Variants in GARNL3 observed in about 807,000 individuals in gnomAD.
The protein encoded by GARNL3 is GTPase activating Rap/RanGAP domain like 3, also known as GTPase-activating Rap/Ran-GAP domain-like protein 3.
In GARNL3, 63 loss-of-function variants were observed where a neutral mutation model predicts 125.0. That is an observed-to-expected ratio of 0.50 (90% CI 0.41 to 0.62). The LOEUF is 0.62. Ranked by LOEUF, GARNL3 falls within the 20% of genes least tolerant of loss-of-function variation. The pLI, the probability that GARNL3 is intolerant of heterozygous loss-of-function variation, is 0.00. For missense variants in GARNL3, 994 were observed against 1,244.0 expected (o/e 0.80, Z 3.02); for synonymous variants, 439 against 457.5 (o/e 0.96, Z 0.52).
At chr9:127,316,806 T>C (rs2065252386) in intron 4 of GARNL3, among the ~76,000 whole-genome samples, 1 of 152,198 alleles carries the variant, frequency 6.6e-6, no homozygotes, top group Non-Finnish European at 1.5e-5. Context: ...GTTTTGTTTA[T>C]GCAACGAGAC....
chr9:127,243,161 T>G, exon 2 of GARNL3: 1 of 1,366,342 alleles, frequency 7.3e-7, no homozygotes, highest in Non-Finnish European at 9.8e-7. Flanking sequence ...AACCATTCTA[T>G]GGAAAGCAAA....
At chr9:127,260,586 T>C (rs2063569559), upstream of GARNL3, among the ~76,000 whole-genome samples, 1 of 152,242 alleles carries the variant, frequency 6.6e-6, no homozygotes, top group Non-Finnish European at 1.5e-5. Context: ...GTAAATAGTT[T>C]GGGCTTTGTG....
chr9:127,269,453 CA>C (rs2063770500), intron 1 of GARNL3, among the ~76,000 whole-genome samples: 1 of 152,210 alleles, frequency 6.6e-6, no homozygotes, highest in Non-Finnish European at 1.5e-5. Context: ...ATTGCCGGAT[CA>C]TAAGGTGATT....
intron 22 of GARNL3, among the ~76,000 whole-genome samples, chr9:127,382,612 CA>C (rs1450082250): frequency 5.9e-5 from 9 of 151,938 alleles, no homozygotes; most frequent in African/African-American, 1.5e-4. Context: ...ACTCTGTCTC[CA>C]AAAAAAAATT....
At position 127,344,226 on chromosome 9, in the gene GARNL3, C is replaced by CT. The variant is rs1564160794; in HGVS notation, c.1252-3dup. 3 of 1,581,058 alleles carry CT rather than the reference C, an allele frequency of 1.9e-6. No homozygotes were observed. Among genetic ancestry groups the CT allele is most frequent in the South Asian group, 2.3e-5 (2 of 87,040 alleles). On this transcript the variant is annotated splice_polypyrimidine_tract_variant and intron_variant, in intron 14 of 27. Transcript: ENST00000373387. ...TTTGTGGAATTCATAACTTGTTTTT[C>CT]TTTTTTAGAACATGCTTAATAGACG...
At chr9:127,347,628 G>A (rs1409585233) in intron 16 of GARNL3, among the ~76,000 whole-genome samples, 1 of 152,006 alleles carries the variant, frequency 6.6e-6, no homozygotes, top group Non-Finnish European at 1.5e-5. Flanking sequence ...TTGTTCTGTT[G>A]GTGTTACCTA....
chr9:127,283,522 T>G (rs1588751963), intron 1 of GARNL3, among the ~76,000 whole-genome samples: 3 of 152,158 alleles, frequency 2.0e-5, no homozygotes, highest in East Asian at 1.9e-4. Flanking sequence ...AATAAAAAAG[T>G]AGCCAAGCGT....
At chr9:127,331,440 C>T (rs1248351110) in intron 7 of GARNL3, among the ~76,000 whole-genome samples, 1 of 151,790 alleles carries the variant, frequency 6.6e-6, no homozygotes, top group Non-Finnish European at 1.5e-5. Context: ...TTGCAGTGAG[C>T]TGAGATCACG....
intron 1 of GARNL3, among the ~76,000 whole-genome samples, chr9:127,279,406 C>T (rs1012946388): frequency 6.6e-6 from 1 of 152,066 alleles, no homozygotes; most frequent in African/African-American, 2.4e-5. Flanking sequence ...TCCTCCATGA[C>T]TGTCTTTTCT....
chr9:127,288,385 G>A (rs530530323), intron 1 of GARNL3, among the ~76,000 whole-genome samples: 1 of 152,342 alleles, frequency 6.6e-6, no homozygotes, highest in South Asian at 2.1e-4. Flanking sequence ...ATAGAGGTGG[G>A]ATTGTGGCAC....
At chr9:127,239,675 T>A (rs2063170662) in intron 1 of GARNL3, among the ~76,000 whole-genome samples, 1 of 152,176 alleles carries the variant, frequency 6.6e-6, no homozygotes, top group Non-Finnish European at 1.5e-5. Flanking sequence ...AGTGAGAAGA[T>A]AAAGGTAAAA....
At chr9:127,237,188 T>G (rs996637320) in intron 1 of GARNL3, among the ~76,000 whole-genome samples, 1 of 152,150 alleles carries the variant, frequency 6.6e-6, no homozygotes, top group African/African-American at 2.4e-5. Context: ...AAGAAGCTGA[T>G]CAATCAAGAA....
intron 9 of GARNL3, 118 bp downstream of exon 9, chr9:127,333,239 G>A: frequency 2.6e-6 from 2 of 756,170 alleles, no homozygotes; most frequent in South Asian, 3.3e-5. Context: ...AAGACTGGAG[G>A]GAGGTGAGCT....
chr9:127,357,318 G>A lies in GARNL3; in HGVS notation c.2035G>A (p.Asp679Asn). The A allele has an allele frequency of 6.2e-7, 1 of 1,614,196 alleles. No individual in the cohort carries two copies. The highest frequency in any genetic ancestry group is 8.5e-7 in the Non-Finnish European group (1 of 1,180,028). The change falls in exon 21 of 28, where the codon GAT becomes AAT. Residue 679 changes from aspartate (D) to asparagine (N), a missense_variant. Physicochemically the swap from Asp to Asn is conservative, Grantham distance 23. Coordinates refer to ENST00000373387, the MANE Select transcript of GARNL3 (RefSeq NM_032293.5). ...CTGTGTGGCTTATCGACACCAATTT[G>A]ATGTGGTGAATGAGAGCACAGGAGA... ...LICVAYRHQF[D>N]VVNESTGEAF... is the part of the protein sequence containing the mutation.
intron 3 of GARNL3, among the ~76,000 whole-genome samples, chr9:127,312,596 T>G (rs2065125405): frequency 6.6e-6 from 1 of 152,176 alleles, no homozygotes; most frequent in East Asian, 1.9e-4. Flanking sequence ...ATTTTGAGAT[T>G]CAAAATGAGT....
intron 2 of GARNL3, among the ~76,000 whole-genome samples, chr9:127,244,986 C>T (rs1291679253): frequency 6.6e-6 from 1 of 152,196 alleles, no homozygotes; most frequent in African/African-American, 2.4e-5. Context: ...CCCCAGCGCA[C>T]TGCAGAGGAC....
chr9:127,314,754 A>G (rs2065191648), intron 4 of GARNL3, among the ~76,000 whole-genome samples: 2 of 152,232 alleles, frequency 1.3e-5, no homozygotes, highest in Admixed American at 6.5e-5. Context: ...TTTAATTTCC[A>G]AAGATACTGT....
chr9:127,301,243 A>G (rs1448237178), intron 2 of GARNL3, among the ~76,000 whole-genome samples: 5 of 152,180 alleles, frequency 3.3e-5, no homozygotes, highest in African/African-American at 1.2e-4. Flanking sequence ...AACCGAACAC[A>G]GGGCTCTGGG....
chr9:127,281,836 G>A (rs550669916), intron 1 of GARNL3, among the ~76,000 whole-genome samples: 126 of 152,208 alleles, frequency 8.3e-4, no homozygotes, highest in Non-Finnish European at 1.5e-3. Context: ...CTAAGTCAGG[G>A]ATGTGTCTGT....
Sources: gnomAD v4.1 joint callset for allele counts (sites outside exome capture counted in the v4.1 genomes callset) on GRCh38, gnomAD v4.1.1 for gene constraint, MANE v1.5 for transcripts, NCBI Gene and HGNC (gene_info 2026-07-23, HGNC 2026-07-21) for gene names.